The following DCLK2 variants were observed in gnomAD, a reference collection of about 807,000 sequenced individuals.
The protein encoded by DCLK2 is doublecortin like kinase 2, also known as serine/threonine-protein kinase DCLK2.
Under a neutral mutation model 78.4 loss-of-function variants are expected in DCLK2, and 31 were observed. The observed-to-expected ratio is 0.40, with a 90% CI of 0.30 to 0.53. The LOEUF is 0.53. Among genes scored for constraint, DCLK2 ranks in the 20% least tolerant of loss-of-function variants. DCLK2 has a pLI of 0.61. For missense variants in DCLK2, 872 were observed against 973.7 expected, an observed-to-expected ratio of 0.90 and a Z score of 1.39; for synonymous variants, 407 against 374.9, an observed-to-expected ratio of 1.09 and a Z score of -0.99.
rs1461166137 is a variant in DCLK2 at position 150,210,256 on chromosome 4, G to A, written c.1056+6367G>A. Among the ~76,000 whole-genome samples, 3 of 152,280 alleles carry A rather than the reference G, an allele frequency of 2.0e-5. No individual in the cohort carries two copies. In the East Asian group the frequency reaches 5.8e-4, roughly 29 times the overall value. The stretch of plus-strand genomic sequence containing the variant: ...AAATATGGAGAAAGCAGTTAGGGTA[G>A]CCTTGTTATTCTTTCTTACCGTAAA... On this transcript the variant is annotated intron_variant, in intron 5 of 15. Transcript: ENST00000296550.
chr4:150,238,760 A>T (rs569213169), intron 10 of DCLK2, among the ~76,000 whole-genome samples: 15 of 152,264 alleles, frequency 9.9e-5, no homozygotes, highest in African/African-American at 3.6e-4. Context: ...ATCTCACTTC[A>T]TAGATGAAGA....
At chr4:150,109,370 C>T (rs1258169962) in intron 2 of DCLK2, among the ~76,000 whole-genome samples, 1 of 149,354 alleles carries the variant, frequency 6.7e-6, no homozygotes, top group East Asian at 2.0e-4. Context: ...GAGTCTGGCT[C>T]TGTCGCCAGG....
At chr4:150,130,300 G>A (rs563163714) in intron 2 of DCLK2, among the ~76,000 whole-genome samples, 76 of 152,044 alleles carry the variant, frequency 5.0e-4, no homozygotes, top group Non-Finnish European at 8.8e-4. Context: ...CAAAAGGCTC[G>A]TGGATACTAC....
At chr4:150,213,094 G>A (rs963623939) in intron 5 of DCLK2, among the ~76,000 whole-genome samples, 4 of 152,302 alleles carry the variant, frequency 2.6e-5, no homozygotes, top group East Asian at 1.9e-4. Context: ...CACCTTACTC[G>A]AAAGGCTTAC....
At chr4:150,108,715 A>G (rs1731447586) in intron 2 of DCLK2, among the ~76,000 whole-genome samples, 1 of 152,122 alleles carries the variant, frequency 6.6e-6, no homozygotes, top group Non-Finnish European at 1.5e-5. Flanking sequence ...TTCTGTTGAG[A>G]GATGAAAAGG....
chr4:150,178,574 G>C (rs781106716), intron 2 of DCLK2, among the ~76,000 whole-genome samples: 5 of 152,022 alleles, frequency 3.3e-5, no homozygotes, highest in Non-Finnish European at 7.4e-5. Flanking sequence ...GATTTATGTT[G>C]GTTTGAAAAT....
At chr4:150,119,024 T>C (rs1732320125) in intron 2 of DCLK2, among the ~76,000 whole-genome samples, 1 of 110,440 alleles carries the variant, frequency 9.1e-6, no homozygotes, top group South Asian at 2.6e-4. Flanking sequence ...TGAGGCTCTG[T>C]CTCAAAATAA....
At chr4:150,089,616 C>T (rs774354840) in intron 1 of DCLK2, among the ~76,000 whole-genome samples, 2 of 152,074 alleles carry the variant, frequency 1.3e-5, no homozygotes, top group Non-Finnish European at 2.9e-5. Context: ...CCAAGTATTG[C>T]CTTAATTACT....
intron 5 of DCLK2, among the ~76,000 whole-genome samples, chr4:150,204,508 CAA>C (rs1482708480): frequency 1.5e-4 from 23 of 152,066 alleles, no homozygotes; most frequent in African/African-American, 5.3e-4. Flanking sequence ...AAAATTTCAA[CAA>C]GTTTTATTTG....
chr4:150,229,043 C>CA (rs796791135), intron 8 of DCLK2, among the ~76,000 whole-genome samples: 247 of 137,212 alleles, frequency 1.8e-3, no homozygotes, highest in African/African-American at 4.4e-3. Context: ...AAAAAAAAAA[C>CA]AAAAAAAAAA....
At chr4:150,250,477 G>A (rs1379176272) in intron 15 of DCLK2, among the ~76,000 whole-genome samples, 2 of 152,068 alleles carry the variant, frequency 1.3e-5, no homozygotes, top group Non-Finnish European at 2.9e-5. Context: ...AAGCCAGCCA[G>A]CCACCCAGGC....
chr4:150,079,141 C>T lies in DCLK2; in HGVS notation c.114C>T (p.Gly38=). The T allele has an allele frequency of 6.3e-7, 1 of 1,595,090 alleles. No individual in the cohort carries two copies. The change falls in exon 1 of 16, where the codon GGC becomes GGT. Residue 38 remains glycine (G), a synonymous_variant. Coordinates refer to ENST00000296550, the MANE Select transcript of DCLK2 (RefSeq NM_001040260.4). ...CCTCCGGGGGCAGCAGCAGCTCGGG[C>T]CCCAAGGGGAACGGGCTCATCCCCA... ...PSSSGGSSSS[G]PKGNGLIPSP...
intron 12 of DCLK2, among the ~76,000 whole-genome samples, chr4:150,247,022 T>C (rs1743372326): frequency 6.6e-6 from 1 of 152,186 alleles, no homozygotes; most frequent in Non-Finnish European, 1.5e-5. Context: ...CTTTTTCATA[T>C]GTTGGCTGTT....
In DCLK2 at chr4:150,224,562, T is replaced by C. The variant is rs201816714; in HGVS notation, c.1299+4T>C. Reference sequence around the variant, plus strand: ...CAAAGCCAAATGTTGTGGAAAGGTATAGTATGCATAACCCCTAGTTCTGAA... The same window carrying C: ...CAAAGCCAAATGTTGTGGAAAGGTACAGTATGCATAACCCCTAGTTCTGAA... On this transcript the variant is annotated splice_donor_region_variant and intron_variant, in intron 8 of 15. Coordinates refer to ENST00000296550, the MANE Select transcript of DCLK2 (RefSeq NM_001040260.4). 8.5e-5 allele frequency: 136 copies of C among 1,609,264 alleles called. No homozygotes were observed. Among genetic ancestry groups the C allele is most frequent in the Non-Finnish European group, 1.1e-4 (131 of 1,178,114 alleles).
chr4:150,225,801 G>A (rs1361112358), intron 8 of DCLK2, among the ~76,000 whole-genome samples: 1 of 152,174 alleles, frequency 6.6e-6, no homozygotes, highest in Non-Finnish European at 1.5e-5. Context: ...GCTGGACACT[G>A]CTGCTCTAGA....
At chr4:150,163,446 A>T (rs536869070) in intron 2 of DCLK2, among the ~76,000 whole-genome samples, 92 of 152,268 alleles carry the variant, frequency 6.0e-4, no homozygotes, top group Middle Eastern at 6.8e-3. Flanking sequence ...AGCCATTTAA[A>T]TATCATTCAT....
intron 2 of DCLK2, among the ~76,000 whole-genome samples, chr4:150,190,235 T>TTAGATAGATAGATAGA (rs35680371): frequency 8.7e-6 from 1 of 115,460 alleles, no homozygotes; most frequent in South Asian, 2.8e-4. Flanking sequence ...AGATGGATAG[T>TTAGATAGATAGATAGA]TAGATAGATA....
Position 150,117,288 on chromosome 4 carries a change from G to A in DCLK2, c.756+14476G>A, listed in dbSNP as rs186017537. On this transcript the variant is annotated intron_variant, in intron 2 of 15. Transcript: ENST00000296550. ...ACGCACTTGGCAAGGCAGGTCTCTCGTAGGCAGTGTTCCACTAGCAGCAGC... is the reference window on the plus strand; with the variant it reads ...ACGCACTTGGCAAGGCAGGTCTCTCATAGGCAGTGTTCCACTAGCAGCAGC... Among the ~76,000 whole-genome samples the A allele has an allele frequency of 3.2e-4, 48 of 152,284 alleles. No individual in the cohort carries two copies. In the East Asian group the frequency reaches 6.6e-3, roughly 21 times the overall value.
intron 1 of DCLK2, among the ~76,000 whole-genome samples, chr4:150,096,127 G>A (rs1228632840): frequency 6.6e-5 from 10 of 152,230 alleles, no homozygotes; most frequent in Admixed American, 6.5e-4. Context: ...GAAGAAACGA[G>A]AGAAGGCAGG....
Sources: gnomAD v4.1 joint callset for allele counts (sites outside exome capture counted in the v4.1 genomes callset) on GRCh38, gnomAD v4.1.1 for gene constraint, MANE v1.5 for transcripts, NCBI Gene and HGNC (gene_info 2026-07-23, HGNC 2026-07-21) for gene names.